The following CECR2 variants were observed in gnomAD, a reference collection of about 807,000 sequenced individuals.
The protein encoded by CECR2 is CECR2 histone acetyl-lysine reader.
A neutral mutation model predicts 154.5 loss-of-function variants in CECR2; 30 were observed. That is an observed-to-expected ratio of 0.19 (90% CI 0.15 to 0.26). The LOEUF is 0.26. CECR2 is among the 10% of genes least tolerant of loss of function. CECR2 has a pLI of 1.00. For synonymous variants in CECR2, 725 were observed against 683.7 expected, an observed-to-expected ratio of 1.06 and a Z score of -0.94; for missense variants, 1,743 against 1,829.3, an observed-to-expected ratio of 0.95 and a Z score of 0.86.
chr22:17,475,676 T>C (rs1264016702), intron 1 of CECR2, among the ~76,000 whole-genome samples: 3 of 152,152 alleles, frequency 2.0e-5, no homozygotes, highest in African/African-American at 7.2e-5. Flanking sequence ...GACTTACCTA[T>C]CAAATGAGAT....
chr22:17,382,595 G>A (rs868395695), intron 1 of CECR2, among the ~76,000 whole-genome samples: 4 of 152,152 alleles, frequency 2.6e-5, no homozygotes, highest in African/African-American at 7.2e-5. Context: ...AAAAAATAAT[G>A]TATATACCTT....
chr22:17,371,213 C>T (rs2063056699), intron 1 of CECR2, among the ~76,000 whole-genome samples: 1 of 152,040 alleles, frequency 6.6e-6, no homozygotes, highest in Admixed American at 6.6e-5. Flanking sequence ...TTAATGAAAT[C>T]AGGAAAATAA....
chr22:17,398,162 G>A (rs1185897061), intron 1 of CECR2, among the ~76,000 whole-genome samples: 1 of 151,468 alleles, frequency 6.6e-6, no homozygotes, highest in Non-Finnish European at 1.5e-5. Flanking sequence ...ATGAATGTAG[G>A]AATTTGTATC....
chr22:17,499,882 CAGT>C (rs2055703690), intron 4 of CECR2, among the ~76,000 whole-genome samples: 1 of 152,150 alleles, frequency 6.6e-6, no homozygotes, highest in South Asian at 2.1e-4. Context: ...CTTGCATCAT[CAGT>C]CCTTGAGATC....
chr22:17,524,375 T>C, intron 9 of CECR2, 104 bp downstream of exon 9: 3 of 1,125,854 alleles, frequency 2.7e-6, no homozygotes, highest in Non-Finnish European at 3.7e-6. Flanking sequence ...TCCAAGTTGT[T>C]TCCGGCAATT....
At chr22:17,453,145 A>G (rs1001056979) in intron 1 of CECR2, among the ~76,000 whole-genome samples, 1 of 152,162 alleles carries the variant, frequency 6.6e-6, no homozygotes, top group African/African-American at 2.4e-5. Context: ...CGTGCAGGCT[A>G]TAAAAATATG....
rs1282171491 is a variant in CECR2 at position 17,404,946 on chromosome 22, A to G, written c.126+35037A>G. On this transcript the variant is annotated intron_variant, in intron 1 of 18. Transcript: ENST00000262608. The stretch of plus-strand genomic sequence containing the variant: ...TCAATTTGTAGAAAATGGGCCTCTT[A>G]ACACTATTGAGTCTTCTGACCCATG... Among the ~76,000 whole-genome samples, 4 of 152,270 alleles carry G rather than the reference A, an allele frequency of 2.6e-5. No homozygotes were observed. In the East Asian group the frequency reaches 5.8e-4, roughly 22 times the overall value.
At chr22:17,375,540 A>G (rs771509034) in intron 1 of CECR2, among the ~76,000 whole-genome samples, 1 of 152,216 alleles carries the variant, frequency 6.6e-6, no homozygotes, top group Non-Finnish European at 1.5e-5. Context: ...TATAATGTCA[A>G]AAGGCCCCAA....
rs537957035 is a variant in CECR2, at chr22:17,503,103, C to T, written c.672C>T (p.Ser224=). ...TCAGTGAAAAGCAGGAAGAAAATTCCTTGGCATCCGAGCCACAGACAAGAC... is the reference window on the plus strand; with the variant it reads ...TCAGTGAAAAGCAGGAAGAAAATTCTTTGGCATCCGAGCCACAGACAAGAC... ...ILLSEKQEEN[S]LASEPQTRHG... Residue 224 remains serine (S), a synonymous_variant, in exon 6 of 19, where the codon TCC becomes TCT. Transcript: ENST00000262608. The T allele has an allele frequency of 3.1e-6, 5 of 1,609,978 alleles. No individual in the cohort carries two copies. Among genetic ancestry groups the T allele is most frequent in the East Asian group, 2.2e-5 (1 of 44,744 alleles).
At position 17,553,018 on chromosome 22, in the gene CECR2, A is replaced by G. The variant is rs1004507337; in HGVS notation, c.*178A>G. 13 of 1,396,292 alleles carry G rather than the reference A, an allele frequency of 9.3e-6. No homozygotes were observed. The highest frequency in any genetic ancestry group is 1.2e-5 in the Non-Finnish European group (13 of 1,072,584). 86.5% of individuals were successfully genotyped at this position (1,396,292 alleles called of 1,614,324 possible). The stretch of plus-strand genomic sequence containing the variant: ...CGGGCCCTAAAAGGACACTCCTTAG[A>G]TGACTGACACACAGATTGCAAAGGT... On this transcript the variant is annotated 3_prime_UTR_variant, in exon 19 of 19. Transcript: ENST00000262608.
intron 1 of CECR2, among the ~76,000 whole-genome samples, chr22:17,475,324 CG>C (rs960713759): frequency 6.6e-6 from 1 of 151,944 alleles, no homozygotes; most frequent in Non-Finnish European, 1.5e-5. Context: ...GAACATTGGC[CG>C]GGGGGAGCAG....
At chr22:17,421,637 A>G (rs2054252775) in intron 1 of CECR2, among the ~76,000 whole-genome samples, 1 of 138,522 alleles carries the variant, frequency 7.2e-6, no homozygotes, top group Non-Finnish European at 1.5e-5. Flanking sequence ...AAAAAAAAAA[A>G]AAAAAATTAG....
In CECR2 at chr22:17,473,204, T is replaced by C. The variant is rs188727962; in HGVS notation, c.127-4384T>C. 4.6e-3 allele frequency among the ~76,000 whole-genome samples: 708 copies of C among 152,332 alleles called. 3 individuals carry two copies. Among genetic ancestry groups the C allele is most frequent in the Non-Finnish European group, 7.4e-3 (504 of 68,028 alleles). On this transcript the variant is annotated intron_variant, in intron 1 of 18. Transcript: ENST00000262608. ...AGTGGTAACTGGTCTCCCTGCCCTA[T>C]GCTGATTAGCTGCCTTTTCTGCTGT...
rs2056776220 is a variant in CECR2, at chr22:17,556,742, T to C, written c.*3902T>C. The C allele has an allele frequency of 6.6e-6, 1 of 152,232 alleles. No individual in the cohort carries two copies. The highest frequency in any genetic ancestry group is 2.4e-5 in the African/African-American group (1 of 41,454). 9.4% of individuals were successfully genotyped at this position (152,232 alleles called of 1,614,324 possible). A position where few individuals can be genotyped will look rare whatever the true frequency, so the allele number is the denominator to read the frequency against. On this transcript the variant is annotated 3_prime_UTR_variant, in exon 19 of 19. Transcript: ENST00000262608. ...CATAGAAAGGAAAGGCTGAAGGTTTTCTAGCATTGTTGCCCTTCTTTGTCT... is the reference window on the plus strand; with the variant it reads ...CATAGAAAGGAAAGGCTGAAGGTTTCCTAGCATTGTTGCCCTTCTTTGTCT...
At chr22:17,381,900 T>G (rs565862754) in intron 1 of CECR2, among the ~76,000 whole-genome samples, 1 of 151,596 alleles carries the variant, frequency 6.6e-6, no homozygotes, top group African/African-American at 2.4e-5. Flanking sequence ...TTTTTTTGTT[T>G]TTTTTGAGAC....
chr22:17,537,303 C>G (rs745433281), intron 10 of CECR2, 71 bp downstream of exon 10: 115 of 1,557,816 alleles, frequency 7.4e-5, no homozygotes, highest in Non-Finnish European at 9.3e-5. Context: ...GGCACTTGCC[C>G]CATGTCATCC....
chr22:17,364,362 A>AAAAAAAAAAAAAG (rs1491212019), intron 1 of CECR2, among the ~76,000 whole-genome samples: 6 of 133,410 alleles, frequency 4.5e-5, no homozygotes, highest in Admixed American at 7.5e-5. Context: ...AAAAAAAAAA[A>AAAAAAAAAAAAAG]GAATTTGTGC....
At chr22:17,442,128 T>G (rs559503889) in intron 1 of CECR2, among the ~76,000 whole-genome samples, 2 of 144,678 alleles carry the variant, frequency 1.4e-5, no homozygotes, top group South Asian at 4.7e-4. Flanking sequence ...CAGAAGAAGA[T>G]TCAAGGTGGG....
Position 17,364,362 on chromosome 22 carries a change from A to AAAAAAG in CECR2, c.-364+4339_-364+4340insAAAAAG, listed in dbSNP as rs1491212019. Among the ~76,000 whole-genome samples, 744 of 133,284 alleles carry AAAAAAG rather than the reference A, an allele frequency of 5.6e-3. 51 individuals carry two copies. The highest frequency in any genetic ancestry group is 0.023 in the African/African-American group (687 of 30,214). The allele number at this position is 133,284 out of a possible 152,430, so 87.4% of individuals were successfully genotyped here. ...TGTCTCAAAAAAAAAAAAAAAAAAA[A>AAAAAAG]GAATTTGTGCCATACTTGGGCTTAG... On this transcript the variant is annotated intron_variant, in intron 1 of 18. Coordinates refer to the CECR2 transcript ENST00000400585.
Sources: gnomAD v4.1 joint callset for allele counts (sites outside exome capture counted in the v4.1 genomes callset) on GRCh38, gnomAD v4.1.1 for gene constraint, MANE v1.5 for transcripts, NCBI Gene and HGNC (gene_info 2026-07-23, HGNC 2026-07-21) for gene names.